NPAS2: variants seen among roughly 807,000 people sequenced by gnomAD.
NPAS2 encodes neuronal PAS domain protein 2.
Under a neutral mutation model 107.5 loss-of-function variants are expected in NPAS2, and 23 were observed. The observed-to-expected ratio is 0.21, with a 90% CI of 0.15 to 0.30. The LOEUF is 0.30. Among genes scored for constraint, NPAS2 ranks in the 10% least tolerant of loss-of-function variants. The probability of loss-of-function intolerance (pLI) is 1.00; values close to 1 mark genes in which losing one functional copy is unlikely to be tolerated. For missense variants in NPAS2, 756 were observed against 1,043.3 expected, an observed-to-expected ratio of 0.72 and a Z score of 3.79; for synonymous variants, 403 against 417.5, an observed-to-expected ratio of 0.97 and a Z score of 0.42.
intron 19 of NPAS2, among the ~76,000 whole-genome samples, chr2:100,991,636 G>A (rs559305251): frequency 3.3e-5 from 5 of 152,226 alleles, no homozygotes; most frequent in Non-Finnish European, 7.3e-5. Context: ...AGGACAGAGA[G>A]TAACGGCAGA....
At chr2:100,924,753 G>A (rs1269536102) in intron 2 of NPAS2, among the ~76,000 whole-genome samples, 1 of 152,222 alleles carries the variant, frequency 6.6e-6, no homozygotes, top group Admixed American at 6.5e-5. Flanking sequence ...ACCAGGCTGG[G>A]TGTTCTGGAT....
At chr2:100,870,056 G>A (rs1266115643) in intron 1 of NPAS2, among the ~76,000 whole-genome samples, 1 of 151,762 alleles carries the variant, frequency 6.6e-6, no homozygotes, top group African/African-American at 2.4e-5. Flanking sequence ...AGGTGTCTGC[G>A]ACCACGCCAG....
chr2:100,981,580 G>A (rs1417239978), intron 15 of NPAS2, among the ~76,000 whole-genome samples: 2 of 152,150 alleles, frequency 1.3e-5, no homozygotes. Flanking sequence ...TCTTTACCCC[G>A]AGGTCAGTCA....
At chr2:100,979,640 A>G (rs1677311847) in intron 15 of NPAS2, among the ~76,000 whole-genome samples, 1 of 150,724 alleles carries the variant, frequency 6.6e-6, no homozygotes, top group African/African-American at 2.4e-5. Context: ...CAGCCTCCCA[A>G]GTAGCTGGGA....
At chr2:100,988,337 T>C in intron 17 of NPAS2, 61 bp downstream of exon 17, 1 of 1,429,534 alleles carries the variant, frequency 7.0e-7, no homozygotes, top group Non-Finnish European at 9.8e-7. Context: ...TCTTGCAGTT[T>C]GGGACATACT....
chr2:100,958,169 A>G (rs1274107994), intron 7 of NPAS2, among the ~76,000 whole-genome samples: 1 of 152,214 alleles, frequency 6.6e-6, no homozygotes, highest in African/African-American at 2.4e-5. Context: ...ACACCAGAGT[A>G]TAAAAGTTTC....
In NPAS2 at chr2:100,867,992, T is replaced by A. The variant is rs561105699; in HGVS notation, c.-22-36741T>A. ...TAAATTTCAATTTAATTAATGAAAATTTTAAGTTAATTTTTCTCCTCCCAA... is the reference window on the plus strand; with the variant it reads ...TAAATTTCAATTTAATTAATGAAAAATTTAAGTTAATTTTTCTCCTCCCAA... On this transcript the variant is annotated intron_variant, in intron 1 of 20. Coordinates refer to ENST00000335681, the MANE Select transcript of NPAS2 (RefSeq NM_002518.4). Among the ~76,000 whole-genome samples, 681 of 152,300 alleles carry A rather than the reference T, an allele frequency of 4.5e-3. 5 individuals are homozygous for A. The highest frequency in any genetic ancestry group is 0.016 in the African/African-American group (662 of 41,554).
intron 12 of NPAS2, among the ~76,000 whole-genome samples, chr2:100,974,260 A>G (rs768723924): frequency 5.3e-5 from 8 of 152,218 alleles, no homozygotes; most frequent in Admixed American, 2.0e-4. Context: ...TGAAGCAGAG[A>G]CATCCTGGGA....
intron 1 of NPAS2, among the ~76,000 whole-genome samples, chr2:100,826,765 T>C (rs2104335307): frequency 6.6e-6 from 1 of 152,260 alleles, no homozygotes; most frequent in Non-Finnish European, 1.5e-5. Flanking sequence ...TGCTGCCAAA[T>C]TGGGGGCTAA....
intron 2 of NPAS2, among the ~76,000 whole-genome samples, chr2:100,915,913 G>A (rs1573612541): frequency 6.6e-6 from 1 of 152,162 alleles, no homozygotes; most frequent in East Asian, 1.9e-4. Flanking sequence ...TATATTTAGT[G>A]TATGTATAGA....
At chr2:100,898,398 A>G (rs974526087) in intron 1 of NPAS2, among the ~76,000 whole-genome samples, 17 of 152,224 alleles carry the variant, frequency 1.1e-4, no homozygotes, top group Non-Finnish European at 2.1e-4. Context: ...TCTAAAATTT[A>G]TGTGGCTGTG....
chr2:100,969,174 TTTC>T, intron 11 of NPAS2, among the ~76,000 whole-genome samples: 1 of 151,552 alleles, frequency 6.6e-6, no homozygotes, highest in South Asian at 2.2e-4. Flanking sequence ...ACAGCATGCC[TTTC>T]TTTTTTTTTT....
At chr2:100,867,696 TTTTTG>T (rs544441781) in intron 1 of NPAS2, among the ~76,000 whole-genome samples, 318 of 152,220 alleles carry the variant, frequency 2.1e-3, no homozygotes, top group African/African-American at 7.3e-3. Context: ...ACTAAAGTAC[TTTTTG>T]TTTTGTTTTG....
chr2:100,862,196 A>G (rs1435511), intron 1 of NPAS2, among the ~76,000 whole-genome samples: 121,489 of 152,212 alleles, frequency 0.8, 48,658 homozygotes, highest in African/African-American at 0.84. Context: ...AGTCAGAGCT[A>G]CTGCTAAGTA....
chr2:100,848,641 A>C (rs897789597), intron 1 of NPAS2, among the ~76,000 whole-genome samples: 1 of 152,236 alleles, frequency 6.6e-6, no homozygotes, highest in Non-Finnish European at 1.5e-5. Context: ...TCTTTTCAGC[A>C]TAAATTGGTG....
At chr2:100,887,574 G>A (rs1013146002) in intron 1 of NPAS2, among the ~76,000 whole-genome samples, 2 of 152,238 alleles carry the variant, frequency 1.3e-5, no homozygotes, top group Non-Finnish European at 2.9e-5. Flanking sequence ...CCAGCAGCCT[G>A]TGCAAGTATC....
intron 1 of NPAS2, among the ~76,000 whole-genome samples, chr2:100,850,943 AACTCTGTCTC>A (rs1678131158): frequency 8.3e-6 from 1 of 121,060 alleles, no homozygotes; most frequent in African/African-American, 3.6e-5. Flanking sequence ...ACAAGAGTGA[AACTCTGTCTC>A]AAAAAAAAAA....
chr2:100,865,163 G>A, intron 1 of NPAS2, among the ~76,000 whole-genome samples: 1 of 152,128 alleles, frequency 6.6e-6, no homozygotes, highest in Admixed American at 6.5e-5. Flanking sequence ...GAGCTCCCAA[G>A]GGGTCACCAG....
chr2:100,931,325 C>T (rs1403325358), intron 3 of NPAS2, among the ~76,000 whole-genome samples: 1 of 152,106 alleles, frequency 6.6e-6, no homozygotes, highest in African/African-American at 2.4e-5. Flanking sequence ...CCCCTTTAAA[C>T]TCACAAAGAC....
Sources: gnomAD v4.1 joint callset for allele counts (sites outside exome capture counted in the v4.1 genomes callset) on GRCh38, gnomAD v4.1.1 for gene constraint, MANE v1.5 for transcripts, NCBI Gene and HGNC (gene_info 2026-07-23, HGNC 2026-07-21) for gene names.